The following ZNF71 variants were observed in gnomAD, a reference collection of about 807,000 sequenced individuals.
ZNF71 encodes the protein endothelial zinc finger protein induced by tumor necrosis factor alpha.
A neutral mutation model predicts 6.7 loss-of-function variants in ZNF71; 3 were observed. That is an observed-to-expected ratio of 0.45 (90% confidence interval 0.20 to 1.16). The LOEUF (loss-of-function observed/expected upper bound fraction) is 1.16. Among genes scored for constraint, ZNF71 ranks in the 50% most tolerant of loss-of-function variants. The probability of loss-of-function intolerance (pLI) is 0.25; values close to 1 mark genes in which losing one functional copy is unlikely to be tolerated. For synonymous variants in ZNF71, 343 were observed against 311.1 expected (o/e 1.10, Z -1.08); for missense variants, 688 against 728.6 (o/e 0.94, Z 0.64).
At chr19:56,610,242 C>T (rs548480010) in intron 2 of ZNF71, 3 of 152,342 alleles carry the variant, frequency 2.0e-5, no homozygotes, top group African/African-American at 7.2e-5. Context: ...ATTTTACATC[C>T]CCACCAGCTG....
At chr19:56,609,680 GATAT>G (rs1568505733) in intron 2 of ZNF71, among the ~76,000 whole-genome samples, 2 of 141,060 alleles carry the variant, frequency 1.4e-5, no homozygotes, top group East Asian at 1.9e-4. Context: ...TGAGCCATAC[GATAT>G]GGATTTTGCC....
rs2044849602 is a variant in ZNF71 at position 56,621,601 on chromosome 19, T to C, written c.494T>C (p.Val165Ala). The C allele has an allele frequency of 1.2e-6, 2 of 1,614,086 alleles. No homozygotes were observed. Among genetic ancestry groups the C allele is most frequent in the Non-Finnish European group, 1.7e-6 (2 of 1,180,038 alleles). The part of the protein sequence containing the change: ...DPTEKGACPP[V>A]RRGKNFSSTS... ...ACAGAAAAGGGGGCCTGTCCACCCG[T>C]AAGGCGTGGCAAGAACTTCTCCAGC... The change falls in exon 4 of 4, where the codon GTA (valine) becomes GCA (alanine). Residue 165 changes from valine (V) to alanine (A), a missense_variant. By Grantham distance (64) the Val-to-Ala change is moderately conservative (BLOSUM62 0). Coordinates refer to ENST00000599599, the MANE Select transcript of ZNF71 (RefSeq NM_001370215.1).
chr19:56,596,599 T>A (rs150534083), intron 1 of ZNF71, among the ~76,000 whole-genome samples: 6 of 152,302 alleles, frequency 3.9e-5, no homozygotes, highest in African/African-American at 1.2e-4. Flanking sequence ...CCTACTCTGT[T>A]CTGACCAAGG....
At position 56,621,420 on chromosome 19, in the gene ZNF71, C is replaced by T. The variant is rs138016748; in HGVS notation, c.313C>T (p.Pro105Ser). Residue 105 changes from proline to serine, a missense_variant, in exon 4 of 4, where the codon CCA (proline) becomes TCA (serine). Coordinates refer to ENST00000599599, the MANE Select transcript of ZNF71 (RefSeq NM_001370215.1). ...SEGVWEPGSW[P>S]ERPRGDAGAE... ...AGGAGTGTGGGAACCAGGCAGCTGG[C>T]CAGAGAGGCCGCGGGGAGATGCAGG... 7.8e-5 allele frequency: 126 copies of T among 1,613,316 alleles called. No homozygotes were observed. The highest frequency in any genetic ancestry group is 9.2e-5 in the Non-Finnish European group (109 of 1,179,594).
rs978748295 is a variant in ZNF71 at position 56,603,389 on chromosome 19, A to G, written c.33+1798A>G. 6.6e-6 allele frequency among the ~76,000 whole-genome samples: 1 copy of G among 152,236 alleles called. No individual in the cohort carries two copies. Among genetic ancestry groups the G allele is most frequent in the African/African-American group, 2.4e-5 (1 of 41,464 alleles). Reference sequence around the variant, plus strand: ...TTGCAAGGTTCAACCATGTGGTAGCACATATAGAGCTTCATTCCTTTTTTT... The same window carrying G: ...TTGCAAGGTTCAACCATGTGGTAGCGCATATAGAGCTTCATTCCTTTTTTT... On this transcript the variant is annotated intron_variant, in intron 2 of 3. Coordinates refer to ENST00000599599, the MANE Select transcript of ZNF71 (RefSeq NM_001370215.1). This position sits in a 1 kb window ranked among gnomAD's most constrained non-coding sequence, Gnocchi z 4.6.
chr19:56,601,380 T>G, intron 1 of ZNF71, 127 bp from the exon 2 acceptor site: 1 of 170,986 alleles, frequency 5.8e-6, no homozygotes, highest in Non-Finnish European at 1.2e-5. Context: ...TGTTGATGTA[T>G]GTGTATGTGT....
At chr19:56,611,530 C>T (rs1186109368) in intron 2 of ZNF71, among the ~76,000 whole-genome samples, 2 of 152,130 alleles carry the variant, frequency 1.3e-5, no homozygotes, top group African/African-American at 4.8e-5. Context: ...AGAAACATCA[C>T]GGGATCGCAG....
intron 3 of ZNF71, 117 bp downstream of exon 3, chr19:56,614,055 T>C (rs2044772034): frequency 4.5e-6 from 4 of 893,760 alleles, no homozygotes; most frequent in East Asian, 2.3e-4. Context: ...TAAAATTTGC[T>C]CTACTTGAAG....
Position 56,596,133 on chromosome 19 carries a change from T to G in ZNF71, c.-53+705T>G, listed in dbSNP as rs145425512. ...GGTGTTGTGGGTGTGTCAGCCTTGATCTCTGTCCATGAGTGTCTCTGTGGG... is the reference window on the plus strand; with the variant it reads ...GGTGTTGTGGGTGTGTCAGCCTTGAGCTCTGTCCATGAGTGTCTCTGTGGG... On this transcript the variant is annotated intron_variant, in intron 1 of 3. Transcript: ENST00000599599. Among the ~76,000 whole-genome samples the G allele has an allele frequency of 1.8e-3, 273 of 152,114 alleles. 1 individual carries two copies. Among genetic ancestry groups the G allele is most frequent in the African/African-American group, 6.0e-3 (248 of 41,466 alleles).
chr19:56,607,306 G>C (rs1403468247), intron 2 of ZNF71, among the ~76,000 whole-genome samples: 2 of 152,088 alleles, frequency 1.3e-5, no homozygotes, highest in Admixed American at 1.3e-4. Context: ...GCTCATTTTG[G>C]GCAAATACTC....
At position 56,623,110 on chromosome 19, in the gene ZNF71, A is replaced by G; in HGVS notation, c.*353A>G. ...TCCACATCTCTGTTTCTTCAGCGGG[A>G]AAGTGGAGCTGGTGGAGGGGAGGGA... is the stretch of plus-strand genomic sequence containing the variant. On this transcript the variant is annotated 3_prime_UTR_variant, in exon 4 of 4. Coordinates refer to ENST00000599599, the MANE Select transcript of ZNF71 (RefSeq NM_001370215.1). The G allele has an allele frequency of 3.7e-6, 1 of 268,376 alleles. No homozygotes were observed. The highest frequency in any genetic ancestry group is 2.2e-5 in the African/African-American group (1 of 45,246). 16.6% of individuals were successfully genotyped at this position (268,376 alleles called of 1,614,324 possible).
intron 2 of ZNF71, among the ~76,000 whole-genome samples, chr19:56,612,537 T>A (rs1392592454): frequency 6.6e-6 from 1 of 152,134 alleles, no homozygotes; most frequent in African/African-American, 2.4e-5. Context: ...GAAAACCAAA[T>A]GCTGTGTGTT....
Position 56,623,251 on chromosome 19 carries a change from T to G in ZNF71, c.*494T>G. ...GCCTTCCTATCCCTCCACCCACCGT[T>G]TCCCTGCAGTGCACGCTGGCAGCCA... On this transcript the variant is annotated 3_prime_UTR_variant, in exon 4 of 4. Transcript: ENST00000599599. 5.8e-6 allele frequency: 1 copy of G among 172,772 alleles called. No homozygotes were observed. The highest frequency in any genetic ancestry group is 2.4e-5 in the African/African-American group (1 of 41,676). The allele number at this position is 172,772 out of a possible 1,614,324, so 10.7% of individuals were successfully genotyped here.
intron 1 of ZNF71, among the ~76,000 whole-genome samples, chr19:56,600,372 T>G (rs1222513030): frequency 1.8e-5 from 1 of 55,732 alleles, no homozygotes; most frequent in Non-Finnish European, 3.4e-5. Context: ...TAATTTTTTG[T>G]ATTTTTAGTA....
intron 2 of ZNF71, among the ~76,000 whole-genome samples, chr19:56,605,135 C>A (rs1264455489): frequency 6.6e-6 from 1 of 152,116 alleles, no homozygotes; most frequent in Non-Finnish European, 1.5e-5. Context: ...TTTTGAAACC[C>A]CCATAGGAGC....
At chr19:56,597,461 C>T (rs889287808) in intron 1 of ZNF71, among the ~76,000 whole-genome samples, 2 of 152,254 alleles carry the variant, frequency 1.3e-5, no homozygotes, top group African/African-American at 4.8e-5. Flanking sequence ...GACACCAACC[C>T]AGCCTCATTC....
At chr19:56,599,788 G>A (rs1354889097) in intron 1 of ZNF71, among the ~76,000 whole-genome samples, 3 of 149,608 alleles carry the variant, frequency 2.0e-5, no homozygotes, top group Non-Finnish European at 4.4e-5. Context: ...CCGCCTCCTG[G>A]GTTCATGCCA....
chr19:56,614,595 G>C (rs1248929017), intron 3 of ZNF71, among the ~76,000 whole-genome samples: 1 of 152,184 alleles, frequency 6.6e-6, no homozygotes, highest in Non-Finnish European at 1.5e-5. Flanking sequence ...TTGGAAACCA[G>C]GCAGCTCTTC....
At position 56,622,553 on chromosome 19, in the gene ZNF71, CGCCT is replaced by C; in HGVS notation, c.1447_1450del (p.Ala483ThrfsTer58). The C allele has an allele frequency of 6.2e-7, 1 of 1,613,738 alleles. No individual in the cohort carries two copies. Among genetic ancestry groups the C allele is most frequent in the Non-Finnish European group, 8.5e-7 (1 of 1,179,738 alleles). Reference sequence around the variant, plus strand: ...AGTGCGGCAAGGCCTTCAGCCAGAGCGCCTACCTCATCGAGCACCAGCGGATCCA... The same window carrying C: ...AGTGCGGCAAGGCCTTCAGCCAGAGCACCTCATCGAGCACCAGCGGATCCA... On this transcript the variant is annotated frameshift_variant, in exon 4 of 4. Transcript: ENST00000599599. LOFTEE classifies it low-confidence loss of function (END_TRUNC).
Sources: allele counts gnomAD v4.1 joint callset (sites outside exome capture counted in the v4.1 genomes callset), GRCh38; gene constraint gnomAD v4.1.1; non-coding constraint Gnocchi (gnomAD v3.1); transcripts MANE v1.5; gene names NCBI Gene and HGNC (gene_info 2026-07-23, HGNC 2026-07-21).